The following KCNMA1 variants were observed in gnomAD, a reference collection of about 807,000 sequenced individuals.
KCNMA1 encodes potassium calcium-activated channel subfamily M alpha 1.
A neutral mutation model predicts 140.0 loss-of-function variants in KCNMA1; 29 were observed. That is an observed-to-expected ratio of 0.21 (90% confidence interval 0.15 to 0.28). The LOEUF (loss-of-function observed/expected upper bound fraction) is 0.28. KCNMA1 is among the 10% of genes least tolerant of loss of function. The pLI, the probability that KCNMA1 is intolerant of heterozygous loss-of-function variation, is 1.00. For synonymous variants in KCNMA1, 612 were observed against 611.9 expected (o/e 1.00, Z 0.00); for missense variants, 880 against 1,602.2 (o/e 0.55, Z 7.70).
chr10:77,033,181 G>A (rs967523831), intron 15 of KCNMA1, among the ~76,000 whole-genome samples: 1 of 152,144 alleles, frequency 6.6e-6, no homozygotes, highest in African/African-American at 2.4e-5. Flanking sequence ...CTTCTGGATC[G>A]AGGGGCTGGA....
At chr10:76,884,348 T>C (rs1488750816), downstream of KCNMA1, 2 of 152,180 alleles carry the variant, frequency 1.3e-5, no homozygotes, top group Admixed American at 1.3e-4. Flanking sequence ...ATAACCCTCC[T>C]GGTTTAAAGG....
At chr10:77,385,389 G>A (rs1377010709) in intron 2 of KCNMA1, among the ~76,000 whole-genome samples, 1 of 152,182 alleles carries the variant, frequency 6.6e-6, no homozygotes, top group East Asian at 1.9e-4. Flanking sequence ...ACAACACTTA[G>A]TCTGCCCCAG....
At chr10:77,608,990 T>C (rs2154567652) in intron 1 of KCNMA1, among the ~76,000 whole-genome samples, 1 of 152,296 alleles carries the variant, frequency 6.6e-6, no homozygotes, top group Middle Eastern at 3.4e-3. Context: ...GTTACACTGT[T>C]GGTGGGACTG....
At chr10:77,590,492 C>A (rs1464017713) in intron 1 of KCNMA1, among the ~76,000 whole-genome samples, 1 of 152,212 alleles carries the variant, frequency 6.6e-6, no homozygotes, top group Non-Finnish European at 1.5e-5. Context: ...GTGCTAAGCC[C>A]GCTGAGCCCA....
intron 5 of KCNMA1, among the ~76,000 whole-genome samples, chr10:77,154,590 T>C (rs2098461625): frequency 6.6e-6 from 1 of 152,224 alleles, no homozygotes; most frequent in Admixed American, 6.5e-5. Flanking sequence ...GCTGTGTAGC[T>C]ACCTCTCTAC....
chr10:77,506,118 A>C (rs531200193), intron 1 of KCNMA1, among the ~76,000 whole-genome samples: 3 of 152,260 alleles, frequency 2.0e-5, no homozygotes, highest in African/African-American at 7.2e-5. Context: ...AATTTGGTTA[A>C]ATTCACCAAA....
intron 1 of KCNMA1, among the ~76,000 whole-genome samples, chr10:77,532,470 G>C (rs765775605): frequency 1.3e-5 from 2 of 152,194 alleles, no homozygotes; most frequent in African/African-American, 4.8e-5. Flanking sequence ...ACACTCCTTG[G>C]GTGGGAAGGA....
chr10:77,549,814 C>T (rs1328766359), intron 1 of KCNMA1, among the ~76,000 whole-genome samples: 1 of 152,206 alleles, frequency 6.6e-6, no homozygotes, highest in Non-Finnish European at 1.5e-5. Flanking sequence ...AATGGCACCA[C>T]CTTAAAACTA....
intron 1 of KCNMA1, among the ~76,000 whole-genome samples, chr10:77,619,030 A>T: frequency 6.6e-6 from 1 of 152,190 alleles, no homozygotes; most frequent in East Asian, 1.9e-4. Context: ...GGAAGATGTT[A>T]AGAGGAACCT....
intron 1 of KCNMA1, among the ~76,000 whole-genome samples, chr10:77,630,355 G>A (rs905963133): frequency 2.6e-5 from 4 of 152,136 alleles, no homozygotes; most frequent in Non-Finnish European, 5.9e-5. Flanking sequence ...CAACTGGCAC[G>A]AGGAAGAGCC....
At chr10:77,200,303 G>A (rs1475146893) in intron 3 of KCNMA1, among the ~76,000 whole-genome samples, 1 of 152,200 alleles carries the variant, frequency 6.6e-6, no homozygotes, top group Non-Finnish European at 1.5e-5. Flanking sequence ...CTTGTAGCAA[G>A]TTAATTCTGG....
At chr10:77,338,530 C>T (rs1048482173) in intron 2 of KCNMA1, among the ~76,000 whole-genome samples, 1 of 152,186 alleles carries the variant, frequency 6.6e-6, no homozygotes, top group Admixed American at 6.5e-5. Context: ...GGTGCTGCCT[C>T]CCCTTCTCAT....
At chr10:77,582,092 G>A (rs184163962) in intron 1 of KCNMA1, among the ~76,000 whole-genome samples, 2 of 152,334 alleles carry the variant, frequency 1.3e-5, no homozygotes, top group Admixed American at 1.3e-4. Context: ...AATTTCTCCA[G>A]CAAGATCAAA....
At chr10:77,317,000 G>A (rs1320929567) in intron 2 of KCNMA1, among the ~76,000 whole-genome samples, 1 of 152,120 alleles carries the variant, frequency 6.6e-6, no homozygotes, top group African/African-American at 2.4e-5. Flanking sequence ...TCATAAAATG[G>A]GGACACTGGA....
rs2097326916 is a variant in KCNMA1, at chr10:77,111,625, C to G, written c.960+742G>C. On this transcript the variant is annotated intron_variant, in intron 7 of 27. Coordinates refer to ENST00000286628, the MANE Select transcript of KCNMA1 (RefSeq NM_001161352.2). ...ACCACTGCCATCCCAGGCCTGTCTT[C>G]CTTTGGGTGATAATTACCTAAATCC... is the stretch of plus-strand genomic sequence containing the variant. 4.6e-5 allele frequency among the ~76,000 whole-genome samples: 7 copies of G among 152,284 alleles called. No homozygotes were observed. The South Asian group carries it at 1.4e-3, about 32-fold the overall frequency.
intron 3 of KCNMA1, among the ~76,000 whole-genome samples, chr10:77,232,750 G>A (rs1216079234): frequency 2.0e-5 from 3 of 152,124 alleles, no homozygotes; most frequent in Non-Finnish European, 2.9e-5. Flanking sequence ...ATGTCACAAA[G>A]GTCTACCCCG....
At chr10:77,453,030 T>A (rs1000819140) in intron 1 of KCNMA1, among the ~76,000 whole-genome samples, 6 of 152,140 alleles carry the variant, frequency 3.9e-5, no homozygotes, top group African/African-American at 1.4e-4. Flanking sequence ...CAGAACCTGG[T>A]GTAAAGGCAA....
chr10:77,460,194 T>C (rs1224522908), intron 1 of KCNMA1, among the ~76,000 whole-genome samples: 2 of 152,154 alleles, frequency 1.3e-5, no homozygotes, highest in Admixed American at 6.5e-5. Flanking sequence ...CTACAGTGAG[T>C]GCTATATGAA....
At chr10:76,942,951 G>A (rs535718200) in intron 23 of KCNMA1, among the ~76,000 whole-genome samples, 16 of 152,316 alleles carry the variant, frequency 1.1e-4, no homozygotes, top group Admixed American at 4.6e-4. Context: ...CATTTGAGTT[G>A]CCTGGGGATC....
Sources: allele counts gnomAD v4.1 joint callset (sites outside exome capture counted in the v4.1 genomes callset), GRCh38; gene constraint gnomAD v4.1.1; transcripts MANE v1.5; gene names NCBI Gene and HGNC (gene_info 2026-07-23, HGNC 2026-07-21).